The following HHAT variants were observed in gnomAD, a reference collection of about 807,000 sequenced individuals.
HHAT encodes protein-cysteine N-palmitoyltransferase HHAT.
HHAT carries 47 observed loss-of-function variants against 70.8 expected under a neutral mutation model. That is an observed-to-expected ratio of 0.66 (90% CI 0.53 to 0.85). The LOEUF (loss-of-function observed/expected upper bound fraction) is 0.85. Ranked by LOEUF, HHAT falls within the 40% of genes least tolerant of loss-of-function variation. The pLI is 0.00. For missense variants in HHAT, 609 were observed against 604.8 expected (o/e 1.01, Z -0.07); for synonymous variants, 228 against 247.6 (o/e 0.92, Z 0.74).
intron 8 of HHAT, among the ~76,000 whole-genome samples, chr1:210,491,218 C>T (rs548171416): frequency 2.0e-5 from 3 of 151,722 alleles, no homozygotes; most frequent in Admixed American, 1.3e-4. Context: ...GCTTTGCAGG[C>T]CCATCACCAT....
intron 4 of HHAT, among the ~76,000 whole-genome samples, chr1:210,391,144 A>T (rs2091433379): frequency 6.6e-6 from 1 of 152,190 alleles, no homozygotes. Context: ...CCTTTTTACC[A>T]CATTTACACC....
intron 9 of HHAT, among the ~76,000 whole-genome samples, chr1:210,528,767 C>A (rs907411647): frequency 2.0e-5 from 3 of 152,032 alleles, no homozygotes; most frequent in Non-Finnish European, 4.4e-5. Context: ...GATACCCTTT[C>A]CTGAAAGAGA....
chr1:210,572,458 G>A (rs1656546354), intron 9 of HHAT, among the ~76,000 whole-genome samples: 1 of 152,068 alleles, frequency 6.6e-6, no homozygotes, highest in South Asian at 2.1e-4. Context: ...CCCTTTCTGG[G>A]TATTGAAACC....
intron 3 of HHAT, among the ~76,000 whole-genome samples, chr1:210,366,716 G>C (rs1194031697): frequency 6.6e-6 from 1 of 152,186 alleles, no homozygotes; most frequent in Non-Finnish European, 1.5e-5. Context: ...TTTAAGAGCA[G>C]CTGGTCTATA....
At chr1:210,596,332 A>G (rs1663000236) in intron 10 of HHAT, among the ~76,000 whole-genome samples, 3 of 152,042 alleles carry the variant, frequency 2.0e-5, no homozygotes, top group African/African-American at 4.8e-5. Flanking sequence ...ATGTTCAGTA[A>G]CCTTCCTGTA....
chr1:210,568,009 C>T (rs1026118749), intron 9 of HHAT, among the ~76,000 whole-genome samples: 1 of 152,188 alleles, frequency 6.6e-6, no homozygotes, highest in Non-Finnish European at 1.5e-5. Flanking sequence ...TGGCTGGCAG[C>T]CCCTTAGTAG....
chr1:210,645,765 C>T (rs562192021), intron 11 of HHAT, among the ~76,000 whole-genome samples: 1 of 152,328 alleles, frequency 6.6e-6, no homozygotes, highest in Non-Finnish European at 1.5e-5. Flanking sequence ...GTTGCCCAGG[C>T]CTTCCTGATA....
chr1:210,401,137 G>A (rs1051004107), intron 5 of HHAT, among the ~76,000 whole-genome samples: 24 of 152,210 alleles, frequency 1.6e-4, no homozygotes, highest in African/African-American at 5.3e-4. Flanking sequence ...TTGTAGAGAC[G>A]GAGTCTTGCT....
At chr1:210,470,506 C>T (rs2094185275) in intron 8 of HHAT, among the ~76,000 whole-genome samples, 1 of 152,202 alleles carries the variant, frequency 6.6e-6, no homozygotes, top group Admixed American at 6.5e-5. Flanking sequence ...TTCCTTCAAA[C>T]ATAGACTTCC....
intron 11 of HHAT, among the ~76,000 whole-genome samples, chr1:210,627,950 C>T (rs1049322906): frequency 1.3e-5 from 2 of 152,034 alleles, no homozygotes; most frequent in African/African-American, 2.4e-5. Flanking sequence ...TTTTACAAGC[C>T]CTTTGGCTCT....
intron 9 of HHAT, 46 bp from the exon 10 acceptor site, chr1:210,587,852 C>A: frequency 6.9e-7 from 1 of 1,446,954 alleles, no homozygotes; most frequent in Non-Finnish European, 9.6e-7. Context: ...GATAGAGTTG[C>A]AGGGCAGCCC....
At chr1:210,465,101 A>G (rs2094072412) in intron 8 of HHAT, among the ~76,000 whole-genome samples, 1 of 152,228 alleles carries the variant, frequency 6.6e-6, no homozygotes, top group African/African-American at 2.4e-5. Flanking sequence ...CTTATCTCTT[A>G]AACAGTAGTA....
intron 1 of HHAT, 150 bp downstream of exon 1, chr1:210,329,254 T>G: frequency 4.1e-6 from 5 of 1,223,104 alleles, no homozygotes; most frequent in Non-Finnish European, 5.1e-6. Context: ...ACAGAGGAAG[T>G]TCCCGGTCGG....
intron 8 of HHAT, among the ~76,000 whole-genome samples, chr1:210,490,900 T>G (rs1359217923): frequency 6.6e-6 from 1 of 152,090 alleles, no homozygotes; most frequent in Non-Finnish European, 1.5e-5. Context: ...AAAAACATTC[T>G]TTTACACCAG....
intron 8 of HHAT, among the ~76,000 whole-genome samples, chr1:210,500,199 A>G (rs1253817206): frequency 6.6e-6 from 1 of 152,240 alleles, no homozygotes; most frequent in East Asian, 1.9e-4. Context: ...TTTTCAAACC[A>G]TAACGAACAG....
chr1:210,364,235 C>G (rs949607281), intron 3 of HHAT, among the ~76,000 whole-genome samples: 1 of 152,036 alleles, frequency 6.6e-6, no homozygotes, highest in Admixed American at 6.6e-5. Context: ...TTAAATAAGC[C>G]CTTTTTAGGA....
chr1:210,513,239 G>A (rs1440590837), intron 9 of HHAT, 51 bp downstream of exon 9: 1 of 905,350 alleles, frequency 1.1e-6, no homozygotes, highest in South Asian at 1.5e-5. Flanking sequence ...TGTCTATTAT[G>A]AAAGATTGAA....
At chr1:210,616,993 T>C (rs943352327) in intron 10 of HHAT, among the ~76,000 whole-genome samples, 2 of 152,210 alleles carry the variant, frequency 1.3e-5, no homozygotes, top group African/African-American at 2.4e-5. Flanking sequence ...ATGATCTACA[T>C]TTATCAAATG....
chr1:210,655,539 C>T (rs1031902880), intron 11 of HHAT, among the ~76,000 whole-genome samples: 2 of 152,186 alleles, frequency 1.3e-5, no homozygotes, highest in Non-Finnish European at 2.9e-5. Flanking sequence ...GGATACCCAT[C>T]CCAGCCTGGG....
Sources: gnomAD v4.1 joint callset for allele counts (sites outside exome capture counted in the v4.1 genomes callset) on GRCh38, gnomAD v4.1.1 for gene constraint, MANE v1.5 for transcripts, NCBI Gene and HGNC (gene_info 2026-07-23, HGNC 2026-07-21) for gene names.